GALNT18: variants seen among roughly 807,000 people sequenced by gnomAD.
GALNT18 encodes polypeptide N-acetylgalactosaminyltransferase 18.
Under a neutral mutation model 69.5 loss-of-function variants are expected in GALNT18, and 44 were observed. The observed-to-expected ratio is 0.63, with a 90% confidence interval of 0.50 to 0.81. GALNT18 has a LOEUF of 0.81. Ranked by LOEUF, GALNT18 falls within the 40% of genes least tolerant of loss-of-function variation. The pLI, the probability that GALNT18 is intolerant of heterozygous loss-of-function variation, is 0.00. For missense variants in GALNT18, 715 were observed against 810.0 expected, an observed-to-expected ratio of 0.88 and a Z score of 1.42; for synonymous variants, 364 against 318.2, an observed-to-expected ratio of 1.14 and a Z score of -1.53.
At chr11:11,519,157 A>C (rs1187533287) in intron 1 of GALNT18, among the ~76,000 whole-genome samples, 1 of 152,244 alleles carries the variant, frequency 6.6e-6, no homozygotes, top group Non-Finnish European at 1.5e-5. Flanking sequence ...TCGCCAGGCC[A>C]TAAGCCCAGG....
At chr11:11,455,531 C>T (rs976486146) in intron 1 of GALNT18, among the ~76,000 whole-genome samples, 4 of 152,132 alleles carry the variant, frequency 2.6e-5, no homozygotes, top group Non-Finnish European at 4.4e-5. Context: ...CAAGAAGAAC[C>T]AGGATGCAGG....
In GALNT18 at chr11:11,469,617, G is replaced by T. The variant is rs1223591392; in HGVS notation, c.236-20681C>A. ...TTAGGGCTGCTCACATAGGCTGTGA[G>T]CTCTCTGAAAGCAAGGATCATCCAT... On this transcript the variant is annotated intron_variant, in intron 1 of 10. Transcript: ENST00000227756. The surrounding 1 kb of genome is among the most constrained non-coding windows in gnomAD (Gnocchi z 4.2). Among the ~76,000 whole-genome samples the T allele has an allele frequency of 6.6e-6, 1 of 152,224 alleles. No individual in the cohort carries two copies. Among genetic ancestry groups the T allele is most frequent in the East Asian group, 1.9e-4 (1 of 5,196 alleles).
intron 10 of GALNT18, among the ~76,000 whole-genome samples, chr11:11,281,166 C>T (rs920607823): frequency 3.3e-5 from 5 of 152,170 alleles, no homozygotes; most frequent in Non-Finnish European, 7.3e-5. Flanking sequence ...CTCTAATTTG[C>T]AAGATCTGTT....
intron 1 of GALNT18, among the ~76,000 whole-genome samples, chr11:11,460,625 C>T (rs990034570): frequency 3.9e-5 from 6 of 152,152 alleles, no homozygotes; most frequent in African/African-American, 1.4e-4. Context: ...GAAAGGAGAG[C>T]CCTAGCTGGT....
chr11:11,506,787 A>AG lies in GALNT18; in HGVS notation c.236-57852dup, dbSNP rs1857076785. ...GCAAGAAAATAACTCCAAAGACCCA[A>AG]GGAAGGTACAGCCCTGGTATCCTGG... On this transcript the variant is annotated intron_variant, in intron 1 of 10. Transcript: ENST00000227756. Among the ~76,000 whole-genome samples, 3 of 152,344 alleles carry AG rather than the reference A, an allele frequency of 2.0e-5. No homozygotes were observed. The South Asian group carries it at 6.2e-4, about 32-fold the overall frequency.
chr11:11,299,528 G>C (rs2133014545), intron 9 of GALNT18, among the ~76,000 whole-genome samples: 1 of 152,238 alleles, frequency 6.6e-6, no homozygotes, highest in Non-Finnish European at 1.5e-5. Flanking sequence ...TTACACCTTT[G>C]CATCCTCATA....
rs1859609848 is a variant in GALNT18, at chr11:11,600,633, A to G, written c.235+20726T>C. ...TGTGTCTGGATGTGGCTTTGTTTTT[A>G]TCCTATATGAACCTTGTTGAGCTTC... On this transcript the variant is annotated intron_variant, in intron 1 of 10. Coordinates refer to ENST00000227756, the MANE Select transcript of GALNT18 (RefSeq NM_198516.3). The surrounding 1 kb of genome is among the most constrained non-coding windows in gnomAD (Gnocchi z 4.8). 6.6e-6 allele frequency among the ~76,000 whole-genome samples: 1 copy of G among 152,020 alleles called. No homozygotes were observed. The highest frequency in any genetic ancestry group is 1.5e-5 in the Non-Finnish European group (1 of 67,980).
intron 9 of GALNT18, among the ~76,000 whole-genome samples, chr11:11,313,258 C>T (rs1849699607): frequency 6.6e-6 from 1 of 152,074 alleles, no homozygotes; most frequent in South Asian, 2.1e-4. Context: ...TGCAGACAGC[C>T]CTCACAAGCC....
chr11:11,324,276 A>G (rs368749366), intron 9 of GALNT18, among the ~76,000 whole-genome samples: 2 of 152,224 alleles, frequency 1.3e-5, no homozygotes, highest in African/African-American at 4.8e-5. Flanking sequence ...TTTCAACCCT[A>G]TGACTCAGGA....
chr11:11,335,001 A>T (rs1850086190), intron 7 of GALNT18, among the ~76,000 whole-genome samples: 1 of 152,218 alleles, frequency 6.6e-6, no homozygotes, highest in South Asian at 2.1e-4. Context: ...TATATCAGAA[A>T]ACTGTGTCCC....
At position 11,352,260 on chromosome 11, in the gene GALNT18, C is replaced by T. The variant is rs541253726; in HGVS notation, c.1093-11256G>A. On this transcript the variant is annotated intron_variant, in intron 6 of 10. Coordinates refer to ENST00000227756, the MANE Select transcript of GALNT18 (RefSeq NM_198516.3). Reference sequence around the variant, plus strand: ...AGGGCTGACAAGGTGCTGATTTTCACTGTGGACAAAGCGTTCCCATCGCTT... The same window carrying T: ...AGGGCTGACAAGGTGCTGATTTTCATTGTGGACAAAGCGTTCCCATCGCTT... The T allele has an allele frequency of 1.1e-4, 172 of 1,614,036 alleles. 1 individual carries two copies. Among genetic ancestry groups the T allele is most frequent in the East Asian group, 3.3e-4 (15 of 44,876 alleles).
rs1027535490 is a variant in GALNT18, at chr11:11,396,473, G to A, written c.596-17209C>T. On this transcript the variant is annotated intron_variant, in intron 3 of 10. Coordinates refer to ENST00000227756, the MANE Select transcript of GALNT18 (RefSeq NM_198516.3). This position sits in a 1 kb window ranked among gnomAD's most constrained non-coding sequence, Gnocchi z 5.2. ...TGTGGGAGGTACCGATGAATCAGAC[G>A]AGGAAACTATCCAGATGGGAGCTGA... Among the ~76,000 whole-genome samples the A allele has an allele frequency of 2.6e-5, 4 of 152,264 alleles. No individual in the cohort carries two copies. Among genetic ancestry groups the A allele is most frequent in the East Asian group, 1.9e-4 (1 of 5,174 alleles).
intron 1 of GALNT18, among the ~76,000 whole-genome samples, chr11:11,557,621 G>A (rs1303869465): frequency 3.9e-5 from 6 of 152,174 alleles, no homozygotes; most frequent in East Asian, 3.8e-4. Context: ...CACACAGAAC[G>A]CTGTGTGGCA....
chr11:11,420,699 G>A (rs1854984571), intron 3 of GALNT18, among the ~76,000 whole-genome samples: 1 of 152,208 alleles, frequency 6.6e-6, no homozygotes, highest in South Asian at 2.1e-4. Context: ...GATAGGCTGG[G>A]TGCCAAGAAT....
chr11:11,525,782 C>G (rs1045887684), intron 1 of GALNT18, among the ~76,000 whole-genome samples: 3 of 151,782 alleles, frequency 2.0e-5, no homozygotes, highest in Non-Finnish European at 2.9e-5. Flanking sequence ...TTACAGGCGC[C>G]CGCCACCACG....
At chr11:11,273,836 T>C (rs1055163862) in intron 10 of GALNT18, among the ~76,000 whole-genome samples, 1 of 152,166 alleles carries the variant, frequency 6.6e-6, no homozygotes, top group African/African-American at 2.4e-5. Flanking sequence ...ATGTGGTATA[T>C]ACACAGGATG....
intron 1 of GALNT18, among the ~76,000 whole-genome samples, chr11:11,472,072 T>C (rs7928025): frequency 0.63 from 95,164 of 152,132 alleles, 30,048 homozygotes; most frequent in African/African-American, 0.7. Context: ...GTAGGTTTCT[T>C]TGGAGTGTGC....
chr11:11,327,270 A>G, intron 8 of GALNT18, 89 bp from the exon 9 acceptor site: 1 of 994,762 alleles, frequency 1.0e-6, no homozygotes, highest in East Asian at 2.5e-5. Flanking sequence ...TATTCTGCTG[A>G]GACAGATTTC....
chr11:11,387,048 T>C lies in GALNT18; in HGVS notation c.596-7784A>G, dbSNP rs1435992404. On this transcript the variant is annotated intron_variant, in intron 3 of 10. Transcript: ENST00000227756. The surrounding 1 kb of genome is among the most constrained non-coding windows in gnomAD (Gnocchi z 4.6). ...ACAACTGAAATACAAAGGTGGGCTTTATAACGGAGTACAAAAAGGCACCTC... is the reference window on the plus strand; with the variant it reads ...ACAACTGAAATACAAAGGTGGGCTTCATAACGGAGTACAAAAAGGCACCTC... 6.6e-6 allele frequency among the ~76,000 whole-genome samples: 1 copy of C among 152,210 alleles called. No homozygotes were observed.
Sources: gnomAD v4.1 joint callset for allele counts (sites outside exome capture counted in the v4.1 genomes callset) on GRCh38, gnomAD v4.1.1 for gene constraint, Gnocchi (gnomAD v3.1) non-coding constraint, MANE v1.5 for transcripts, NCBI Gene and HGNC (gene_info 2026-07-23, HGNC 2026-07-21) for gene names.